The following NTRK2 variants were observed in gnomAD, a reference collection of about 807,000 sequenced individuals.
NTRK2 encodes the protein neurotrophic receptor tyrosine kinase 2, also known as BDNF/NT-3 growth factors receptor.
A neutral mutation model predicts 94.5 loss-of-function variants in NTRK2; 13 were observed. The ratio of observed to expected loss-of-function variants is 0.14; its 90% CI spans 0.09 to 0.22. NTRK2 has a LOEUF of 0.22. NTRK2 is among the 10% of genes least tolerant of loss of function. NTRK2 has a pLI of 1.00. For missense variants in NTRK2, 639 were observed against 1,071.2 expected, an observed-to-expected ratio of 0.60 and a Z score of 5.63; for synonymous variants, 372 against 407.4, an observed-to-expected ratio of 0.91 and a Z score of 1.05.
rs913317289 is a variant in NTRK2, at chr9:84,710,726, A to G, written c.518A>G (p.Asp173Gly). 3 of 1,614,038 alleles carry G rather than the reference A, an allele frequency of 1.9e-6. No individual in the cohort carries two copies. The highest frequency in any genetic ancestry group is 2.7e-5 in the African/African-American group (2 of 74,930). ...QEAKSSPDTQ[D>G]LYCLNESSKN... ...GCTAAATCCAGTCCAGACACTCAGG[A>G]TTTGTACTGCCTGAATGAAAGCAGC... is the stretch of plus-strand genomic sequence containing the variant. The change falls in exon 6 of 19, where the codon GAT (aspartate) becomes GGT (glycine). Residue 173 changes from aspartate (D) to glycine (G), a missense_variant. By Grantham distance (94) the Asp-to-Gly change is moderately conservative. Transcript: ENST00000277120.
chr9:84,863,431 A>G (rs967719876), intron 13 of NTRK2, among the ~76,000 whole-genome samples: 1 of 152,232 alleles, frequency 6.6e-6, no homozygotes, highest in Non-Finnish European at 1.5e-5. Flanking sequence ...TTAAAACTTT[A>G]TATGAATATT....
At chr9:84,755,184 G>A (rs376793307) in intron 12 of NTRK2, among the ~76,000 whole-genome samples, 16 of 152,252 alleles carry the variant, frequency 1.1e-4, no homozygotes, top group African/African-American at 3.9e-4. Context: ...TTTGAAGATG[G>A]GTCTGCAGGT....
intron 12 of NTRK2, among the ~76,000 whole-genome samples, chr9:84,754,412 G>C (rs2064901760): frequency 6.6e-6 from 1 of 152,022 alleles, no homozygotes; most frequent in Non-Finnish European, 1.5e-5. Context: ...CAAGTCAGAT[G>C]TCGAGTTGAT....
intron 14 of NTRK2, chr9:84,876,761 T>C: frequency 1.9e-6 from 2 of 1,061,444 alleles, no homozygotes; most frequent in Non-Finnish European, 2.3e-6. Context: ...ACAGAAACAA[T>C]TATCAATACA....
chr9:84,907,415 A>G (rs2077103582), intron 14 of NTRK2, among the ~76,000 whole-genome samples: 1 of 152,222 alleles, frequency 6.6e-6, no homozygotes, highest in East Asian at 1.9e-4. Context: ...TTTTGGTAAA[A>G]ATGGAGAATC....
chr9:84,681,671 T>G (rs1340325291), intron 2 of NTRK2, among the ~76,000 whole-genome samples: 2 of 152,132 alleles, frequency 1.3e-5, no homozygotes, highest in East Asian at 3.9e-4. Context: ...CTATTTCGCA[T>G]CCCCGCCTCC....
intron 17 of NTRK2, among the ~76,000 whole-genome samples, chr9:84,973,969 T>C (rs927878687): frequency 3.4e-5 from 4 of 117,426 alleles, no homozygotes; most frequent in African/African-American, 1.4e-4. Context: ...CTTTGTCGAC[T>C]GTTTATGTTT....
At chr9:84,719,914 G>A (rs529079544) in intron 6 of NTRK2, among the ~76,000 whole-genome samples, 1 of 151,336 alleles carries the variant, frequency 6.6e-6, no homozygotes, top group South Asian at 2.1e-4. Flanking sequence ...CAGCTACTCA[G>A]GAGCCTGAGG....
intron 12 of NTRK2, among the ~76,000 whole-genome samples, chr9:84,853,890 G>A (rs1199678147): frequency 6.6e-6 from 1 of 152,042 alleles, no homozygotes; most frequent in Non-Finnish European, 1.5e-5. Flanking sequence ...GACCATCCTG[G>A]CTAACACGGT....
At chr9:84,891,210 A>C (rs1048893661) in intron 14 of NTRK2, among the ~76,000 whole-genome samples, 1 of 151,818 alleles carries the variant, frequency 6.6e-6, no homozygotes, top group Admixed American at 6.6e-5. Flanking sequence ...TCTTCACGTC[A>C]TGGAGGACTC....
At chr9:85,020,431 C>T (rs2117958134) in intron 18 of NTRK2, 67 bp downstream of exon 18, 2 of 1,570,214 alleles carry the variant, frequency 1.3e-6, no homozygotes, top group Non-Finnish European at 8.8e-7. Flanking sequence ...TTGGCTGGGG[C>T]CTTGTTTTGG....
At chr9:84,805,049 C>T (rs2070949105) in intron 12 of NTRK2, among the ~76,000 whole-genome samples, 1 of 152,164 alleles carries the variant, frequency 6.6e-6, no homozygotes, top group South Asian at 2.1e-4. Flanking sequence ...ATGCATTCCC[C>T]ATCCTCTGTG....
At chr9:84,958,443 A>G (rs1231021185) in intron 17 of NTRK2, among the ~76,000 whole-genome samples, 1 of 152,232 alleles carries the variant, frequency 6.6e-6, no homozygotes, top group Non-Finnish European at 1.5e-5. Context: ...AATATTCTGA[A>G]GTACTTTCTT....
At chr9:84,845,670 G>T (rs2074432651) in intron 12 of NTRK2, among the ~76,000 whole-genome samples, 1 of 152,140 alleles carries the variant, frequency 6.6e-6, no homozygotes, top group Non-Finnish European at 1.5e-5. Context: ...ACATAGGAAT[G>T]AAAAACCAAA....
intron 14 of NTRK2, among the ~76,000 whole-genome samples, chr9:84,881,320 T>C (rs780361347): frequency 6.6e-6 from 1 of 152,156 alleles, no homozygotes; most frequent in Non-Finnish European, 1.5e-5. Flanking sequence ...AAGTTCAGAT[T>C]AGGCTTAGGG....
chr9:84,939,074 AAAG>A lies in NTRK2; in HGVS notation c.1764+4785_1764+4787del, dbSNP rs1295713546. Among the ~76,000 whole-genome samples the A allele has an allele frequency of 4.7e-3, 707 of 150,134 alleles. 3 individuals carry two copies. The highest frequency in any genetic ancestry group is 7.9e-3 in the Non-Finnish European group (537 of 67,580). ...CTCAAAAAAAAAAAAAAAAAAAAGA[AAAG>A]AAAAGAAAAAAAAAGAGTTGACAGT... On this transcript the variant is annotated intron_variant, in intron 15 of 18. Transcript: ENST00000277120.
At chr9:84,838,755 T>A (rs1270010956) in intron 12 of NTRK2, among the ~76,000 whole-genome samples, 3 of 152,234 alleles carry the variant, frequency 2.0e-5, no homozygotes, top group Admixed American at 6.5e-5. Context: ...TGAAGTTTTA[T>A]TGCCAATATA....
At chr9:84,908,535 C>G (rs1408410768) in intron 14 of NTRK2, among the ~76,000 whole-genome samples, 1 of 152,152 alleles carries the variant, frequency 6.6e-6, no homozygotes, top group Non-Finnish European at 1.5e-5. Flanking sequence ...TAATATTTCT[C>G]TCATTTGCAG....
At chr9:84,873,022 T>C (rs1005198099) in intron 14 of NTRK2, 4 of 1,063,398 alleles carry the variant, frequency 3.8e-6, no homozygotes, top group African/African-American at 3.3e-5. Context: ...GAGCAAAAAT[T>C]CTGAATTACA....
Sources: allele counts gnomAD v4.1 joint callset (sites outside exome capture counted in the v4.1 genomes callset), GRCh38; gene constraint gnomAD v4.1.1; transcripts MANE v1.5; gene names NCBI Gene and HGNC (gene_info 2026-07-23, HGNC 2026-07-21).